Variants in LDB3 observed in about 807,000 individuals in gnomAD.
LDB3 encodes the protein LIM domain binding 3.
A neutral mutation model predicts 69.0 loss-of-function variants in LDB3; 49 were observed. The ratio of observed to expected loss-of-function variants is 0.71; its 90% CI spans 0.56 to 0.90. LDB3 has a LOEUF of 0.90. Ranked by LOEUF, LDB3 falls within the 40% of genes least tolerant of loss-of-function variation. The pLI is 0.00. For missense variants in LDB3, 928 were observed against 974.1 expected (o/e 0.95, Z 0.63); for synonymous variants, 387 against 396.2 (o/e 0.98, Z 0.28).
At position 86,699,840 on chromosome 10, in the gene LDB3, G is replaced by A. The variant is rs372198711; in HGVS notation, c.897-6691G>A. 4.4e-5 allele frequency: 45 copies of A among 1,023,874 alleles called. No homozygotes were observed. In the East Asian group the frequency reaches 1.5e-3, roughly 33 times the overall value. 63.4% of individuals were successfully genotyped at this position (1,023,874 alleles called of 1,614,324 possible). ...ATCCCTGGCGCTGCCCGGCTCCCTCGCTGCCCTCTGGAGCTCAGGGCAGCC... is the reference window on the plus strand; with the variant it reads ...ATCCCTGGCGCTGCCCGGCTCCCTCACTGCCCTCTGGAGCTCAGGGCAGCC... On this transcript the variant is annotated intron_variant, in intron 7 of 13. Coordinates refer to ENST00000361373, the MANE Select transcript of LDB3 (RefSeq NM_007078.3). This position sits in a 1 kb window ranked among gnomAD's most constrained non-coding sequence, Gnocchi z 4.9.
Position 86,679,303 on chromosome 10 carries a change from A to G in LDB3, c.94-64A>G, listed in dbSNP as rs746828691. 2.2e-4 allele frequency: 353 copies of G among 1,597,156 alleles called. 2 individuals carry two copies. Among genetic ancestry groups the G allele is most frequent in the Non-Finnish European group, 9.4e-5 (109 of 1,165,180 alleles). ...AATACTCCCGGGTGACTCTTCCCCA[A>G]GGACTGGCCTTTCCTCAGGACCACC... On this transcript the variant is annotated intron_variant, in intron 2 of 13. Coordinates refer to ENST00000361373, the MANE Select transcript of LDB3 (RefSeq NM_007078.3).
Position 86,699,921 on chromosome 10 carries a change from C to A in LDB3, c.897-6610C>A. On this transcript the variant is annotated intron_variant, in intron 7 of 13. Coordinates refer to ENST00000361373, the MANE Select transcript of LDB3 (RefSeq NM_007078.3). This position sits in a 1 kb window ranked among gnomAD's most constrained non-coding sequence, Gnocchi z 4.9. The stretch of plus-strand genomic sequence containing the variant: ...AGCCCCAGGGTAATGAGGCAGAGAC[C>A]CCTCCTGGCAGTGGTGAGGTGGGGG... 1 of 1,004,568 alleles carries A rather than the reference C, an allele frequency of 1.0e-6. No individual in the cohort carries two copies. Among genetic ancestry groups the A allele is most frequent in the East Asian group, 9.7e-5 (1 of 10,290 alleles). 62.2% of individuals were successfully genotyped at this position (1,004,568 alleles called of 1,614,324 possible).
chr10:86,679,575 G>A, intron 3 of LDB3, 57 bp downstream of exon 3: 1 of 1,589,630 alleles, frequency 6.3e-7, no homozygotes, highest in South Asian at 1.1e-5. Flanking sequence ...CATGGGGCAG[G>A]GGCCAAAAGA....
Position 86,734,363 on chromosome 10 carries a change from G to A in LDB3, c.*1387G>A, listed in dbSNP as rs1847562005. ...TGATAAAGAAGGCAGCTTAGATTCT[G>A]TGGTTGGAAACAGTGTAGTCGCTTC... On this transcript the variant is annotated 3_prime_UTR_variant, in exon 14 of 14. Coordinates refer to ENST00000361373, the MANE Select transcript of LDB3 (RefSeq NM_007078.3). The A allele has an allele frequency of 6.6e-6, 1 of 152,210 alleles. No individual in the cohort carries two copies. Among genetic ancestry groups the A allele is most frequent in the Non-Finnish European group, 1.5e-5 (1 of 68,044 alleles). The allele number at this position is 152,210 out of a possible 1,614,324, so 9.4% of individuals were successfully genotyped here. A position where few individuals can be genotyped will look rare whatever the true frequency, so the allele number is the denominator to read the frequency against.
chr10:86,689,307 C>T (rs1845650508), intron 5 of LDB3, among the ~76,000 whole-genome samples: 1 of 152,120 alleles, frequency 6.6e-6, no homozygotes, highest in Non-Finnish European at 1.5e-5. Context: ...GTCCAGTCAT[C>T]CGTCTGTCTG....
At chr10:86,723,073 CT>C (rs1160208699) in intron 12 of LDB3, among the ~76,000 whole-genome samples, 1 of 151,444 alleles carries the variant, frequency 6.6e-6, no homozygotes, top group Non-Finnish European at 1.5e-5. Flanking sequence ...TCAAGAACAG[CT>C]TGGACAATAT....
intron 12 of LDB3, among the ~76,000 whole-genome samples, chr10:86,720,369 G>T (rs750526072): frequency 6.2e-4 from 95 of 152,006 alleles, no homozygotes; most frequent in Non-Finnish European, 1.1e-3. Context: ...GCTTGAACCC[G>T]GGAGGCAGAG....
chr10:86,720,183 G>T (rs1002934180), intron 12 of LDB3, among the ~76,000 whole-genome samples: 1 of 152,172 alleles, frequency 6.6e-6, no homozygotes, highest in African/African-American at 2.4e-5. Context: ...GGTGGCTCAC[G>T]CCTGTAATCC....
rs758814399 is a variant in LDB3, at chr10:86,681,547, G to T, written c.433G>T (p.Ala145Ser). Residue 145 changes from alanine to serine, a missense_variant, in exon 5 of 14, where the codon GCC becomes TCC. By Grantham distance (99) the Ala-to-Ser change is moderately conservative. Transcript: ENST00000361373. ...TPELRPTFSPAFSRPSAFSSL... is the reference protein window; with the variant it reads ...TPELRPTFSPSFSRPSAFSSL... ...GGAGCTCAGGCCCACCTTTAGCCCT[G>T]CCTTCTCCCGGCCCTCCGCCTTCTC... 6 of 1,612,880 alleles carry T rather than the reference G, an allele frequency of 3.7e-6. No individual in the cohort carries two copies. Among genetic ancestry groups the T allele is most frequent in the African/African-American group, 2.7e-5 (2 of 75,040 alleles).
chr10:86,715,225 A>T (rs1846822731), intron 9 of LDB3, among the ~76,000 whole-genome samples: 1 of 152,138 alleles, frequency 6.6e-6, no homozygotes, highest in South Asian at 2.1e-4. Context: ...CATCCTGCCC[A>T]TACTGAGCTC....
In LDB3 at chr10:86,668,712, G is replaced by T. The variant is rs367818009; in HGVS notation, c.21G>T (p.Leu7=). 3 of 1,613,244 alleles carry T rather than the reference G, an allele frequency of 1.9e-6. No individual in the cohort carries two copies. The African/African-American group carries it at 4.0e-5, about 22-fold the overall frequency. Residue 7 remains leucine (L), a synonymous_variant, in exon 2 of 14, where the codon CTG becomes CTT. Coordinates refer to ENST00000361373, the MANE Select transcript of LDB3 (RefSeq NM_007078.3). MSYSVT[L]TGPGPWGFRL... ...CCAGCATGTCTTACAGTGTGACCCTGACTGGGCCCGGGCCCTGGGGCTTCC... is the reference window on the plus strand; with the variant it reads ...CCAGCATGTCTTACAGTGTGACCCTTACTGGGCCCGGGCCCTGGGGCTTCC...
chr10:86,717,996 G>T lies in LDB3; in HGVS notation c.1709G>T (p.Trp570Leu). 1 of 1,614,144 alleles carries T rather than the reference G, an allele frequency of 6.2e-7. No homozygotes were observed. Among genetic ancestry groups the T allele is most frequent in the Non-Finnish European group, 8.5e-7 (1 of 1,180,004 alleles). ...TTTCTGGTAGCCATGGGCCGTTCTT[G>T]GCACCCTGAAGAGTTCACCTGTGCC... ...GPFLVAMGRS[W>L]HPEEFTCAYC... Residue 570 changes from tryptophan (W) to leucine (L), a missense_variant, in exon 11 of 14, where the codon TGG becomes TTG. By Grantham distance (61) the Trp-to-Leu change is moderately conservative. Coordinates refer to ENST00000361373, the MANE Select transcript of LDB3 (RefSeq NM_007078.3).
chr10:86,710,290 G>A lies in LDB3; in HGVS notation c.1231+240G>A, dbSNP rs10887651. 0.33 allele frequency: 321,301 copies of A among 980,872 alleles called. 59,171 individuals carry two copies. The highest frequency in any genetic ancestry group is 0.75 in the African/African-American group (42,717 of 57,210). The allele number at this position is 980,872 out of a possible 1,614,324, so 60.8% of individuals were successfully genotyped here. A position where few individuals can be genotyped will look rare whatever the true frequency, so the allele number is the denominator to read the frequency against. On this transcript the variant is annotated intron_variant, in intron 9 of 13. Transcript: ENST00000361373. Reference sequence around the variant, plus strand: ...TGATTCTAAGGGAGAGCGAAGGAGAGCAGAGAAGTCTTCTCCGGACCGGGC... The same window carrying A: ...TGATTCTAAGGGAGAGCGAAGGAGAACAGAGAAGTCTTCTCCGGACCGGGC...
At position 86,709,979 on chromosome 10, in the gene LDB3, GC is replaced by G; in HGVS notation, c.1164del (p.Ala389ProfsTer103). 6.2e-7 allele frequency: 1 copy of G among 1,612,956 alleles called. No individual in the cohort carries two copies. On this transcript the variant is annotated frameshift_variant, in exon 9 of 14. Coordinates refer to ENST00000361373, the MANE Select transcript of LDB3 (RefSeq NM_007078.3). LOFTEE classifies it high-confidence loss of function. ...APATHTSYSEGPAAPAPKPRV... is the reference protein window; with the variant it reads ...APATHTSYSEXPAAPAPKPRV... ...GCCACCCACACCAGCTACAGTGAGG[GC>G]CCCGCCGCCCCTGCACCCAAGCCCC...
In LDB3 at chr10:86,726,272, C is replaced by T. The variant is rs1367157875; in HGVS notation, c.2094+20C>T. 6.3e-7 allele frequency: 1 copy of T among 1,598,548 alleles called. No homozygotes were observed. Among genetic ancestry groups the T allele is most frequent in the Non-Finnish European group, 8.6e-7 (1 of 1,166,042 alleles). The stretch of plus-strand genomic sequence containing the variant: ...TGCGCAGTATGTCTCTAGCTTGGGG[C>T]TCTGGCTTTCTGAGAAGAGGCAGGA... On this transcript the variant is annotated intron_variant, in intron 13 of 13. Coordinates refer to ENST00000361373, the MANE Select transcript of LDB3 (RefSeq NM_007078.3).
Position 86,681,726 on chromosome 10 carries a change from A to G in LDB3, c.612A>G (p.Ala204=), listed in dbSNP as rs759858111. The G allele has an allele frequency of 7.4e-6, 12 of 1,610,928 alleles. No individual in the cohort carries two copies. The change falls in exon 5 of 14, where the codon GCA becomes GCG. Residue 204 remains alanine, a synonymous_variant. Coordinates refer to ENST00000361373, the MANE Select transcript of LDB3 (RefSeq NM_007078.3). ...QYNNPIGLYS[A]ETLREMAQMY... Reference sequence around the variant, plus strand: ...ACAACCCCATTGGCCTGTACTCGGCAGAGACCCTGAGGGAGATGGCTCAGA... The same window carrying G: ...ACAACCCCATTGGCCTGTACTCGGCGGAGACCCTGAGGGAGATGGCTCAGA...
At chr10:86,680,754 C>T (rs559108391) in intron 4 of LDB3, among the ~76,000 whole-genome samples, 1 of 152,352 alleles carries the variant, frequency 6.6e-6, no homozygotes, top group African/African-American at 2.4e-5. Context: ...TCCCAAGGCC[C>T]CGCCAAGCAG....
chr10:86,719,893 T>A (rs1847014905), intron 12 of LDB3, among the ~76,000 whole-genome samples: 1 of 152,162 alleles, frequency 6.6e-6, no homozygotes, highest in Non-Finnish European at 1.5e-5. Context: ...CAGAAAGGAT[T>A]TGAAGCAGGT....
At chr10:86,674,752 A>G (rs892623318) in intron 2 of LDB3, among the ~76,000 whole-genome samples, 1 of 152,218 alleles carries the variant, frequency 6.6e-6, no homozygotes, top group Non-Finnish European at 1.5e-5. Flanking sequence ...GCCCTTTCTG[A>G]AACACAGAAA....
Sources: gnomAD v4.1 joint callset for allele counts (sites outside exome capture counted in the v4.1 genomes callset) on GRCh38, gnomAD v4.1.1 for gene constraint, Gnocchi (gnomAD v3.1) non-coding constraint, MANE v1.5 for transcripts, NCBI Gene and HGNC (gene_info 2026-07-23, HGNC 2026-07-21) for gene names.